CCN4: variants seen among roughly 807,000 people sequenced by gnomAD.
CCN4 encodes CCN family member 4.
In CCN4, 30 loss-of-function variants were observed where a neutral mutation model predicts 36.7. The ratio of observed to expected loss-of-function variants is 0.82; its 90% CI spans 0.61 to 1.11. The LOEUF is 1.11. Ranked by LOEUF, CCN4 falls within the 50% of genes least tolerant of loss-of-function variation. The probability of loss-of-function intolerance (pLI) is 0.00; values close to 1 mark genes in which losing one functional copy is unlikely to be tolerated. For missense variants in CCN4, 505 were observed against 504.9 expected (o/e 1.00, Z 0.00); for synonymous variants, 191 against 195.4 (o/e 0.98, Z 0.19).
At chr8:133,212,297 C>T (rs997974880) in intron 1 of CCN4, among the ~76,000 whole-genome samples, 2 of 152,138 alleles carry the variant, frequency 1.3e-5, no homozygotes, top group African/African-American at 4.8e-5. Flanking sequence ...TGAATACCTG[C>T]CGCTGCACCA....
intron 1 of CCN4, among the ~76,000 whole-genome samples, chr8:133,210,248 G>C (rs937370398): frequency 1.3e-5 from 2 of 152,128 alleles, no homozygotes; most frequent in African/African-American, 4.8e-5. Context: ...GGAGGAGAGG[G>C]CATCTTTATT....
Position 133,225,406 on chromosome 8 carries a change from G to A in CCN4, c.627G>A (p.Val209=), listed in dbSNP as rs141179228. ...DTGAFDAVGE[V]EAWHRNCIAY... is the part of the protein sequence containing the mutation. Reference sequence around the variant, plus strand: ...CACACACAGATGCTGTGGGTGAGGTGGAGGCATGGCACAGGAACTGCATAG... The same window carrying A: ...CACACACAGATGCTGTGGGTGAGGTAGAGGCATGGCACAGGAACTGCATAG... Residue 209 remains valine, a synonymous_variant, in exon 4 of 5, where the codon GTG becomes GTA. Coordinates refer to ENST00000250160, the MANE Select transcript of CCN4 (RefSeq NM_003882.4). The A allele has an allele frequency of 1.0e-4, 163 of 1,603,428 alleles. No individual in the cohort carries two copies. Among genetic ancestry groups the A allele is most frequent in the Non-Finnish European group, 7.8e-5 (92 of 1,172,790 alleles).
intron 1 of CCN4, among the ~76,000 whole-genome samples, chr8:133,207,732 G>C (rs1332371927): frequency 1.3e-5 from 2 of 152,188 alleles, no homozygotes. Context: ...CAGATCTTAG[G>C]TATGTTGATT....
At chr8:133,211,904 G>A (rs1417613712) in intron 1 of CCN4, among the ~76,000 whole-genome samples, 3 of 152,188 alleles carry the variant, frequency 2.0e-5, no homozygotes, top group Non-Finnish European at 4.4e-5. Context: ...GGATTCAGGG[G>A]GGCAACCAGA....
intron 1 of CCN4, among the ~76,000 whole-genome samples, chr8:133,204,307 T>A (rs962769917): frequency 6.6e-6 from 1 of 152,190 alleles, no homozygotes; most frequent in Admixed American, 6.5e-5. Flanking sequence ...TGCGGTATGT[T>A]CTGCAGGTCT....
chr8:133,198,187 A>T (rs927808223), intron 1 of CCN4, among the ~76,000 whole-genome samples: 4 of 152,232 alleles, frequency 2.6e-5, no homozygotes, highest in African/African-American at 9.6e-5. Context: ...TTTAACAAGC[A>T]GCAGGGGAGC....
At chr8:133,223,759 CAT>C (rs1466121540) in intron 3 of CCN4, among the ~76,000 whole-genome samples, 1 of 152,126 alleles carries the variant, frequency 6.6e-6, no homozygotes, top group Non-Finnish European at 1.5e-5. Context: ...TCCTCATGCA[CAT>C]GTGTGTTTGG....
rs59929763 is a variant in CCN4, at chr8:133,224,229, CTTTTTTTTTTTT to C, written c.611-1143_611-1132del. Among the ~76,000 whole-genome samples the C allele has an allele frequency of 1.2e-4, 11 of 88,514 alleles. 1 individual carries two copies. The highest frequency in any genetic ancestry group is 4.9e-4 in the African/African-American group (11 of 22,478). 58.1% of individuals were successfully genotyped at this position (88,514 alleles called of 152,430 possible). On this transcript the variant is annotated intron_variant, in intron 3 of 4. Coordinates refer to ENST00000250160, the MANE Select transcript of CCN4 (RefSeq NM_003882.4). ...GATTTGAATTTGAAGCCCGTAAGTC[CTTTTTTTTTTTT>C]TTTTTTTTTTTTTTTTTGAGACAGA...
At chr8:133,198,145 T>C (rs1259132469) in intron 1 of CCN4, among the ~76,000 whole-genome samples, 10 of 151,988 alleles carry the variant, frequency 6.6e-5, no homozygotes, top group Admixed American at 6.6e-4. Context: ...ATTCCAAGAG[T>C]CCACTCATTC....
At chr8:133,194,327 GC>G (rs1853232534) in intron 1 of CCN4, among the ~76,000 whole-genome samples, 1 of 117,550 alleles carries the variant, frequency 8.5e-6, no homozygotes, top group Admixed American at 8.3e-5. Flanking sequence ...GTATGTGTGT[GC>G]CTGTGTGGTG....
rs1206513230 is a variant in CCN4 at position 133,229,465 on chromosome 8, CCT to C, written c.*1758_*1759del. The C allele has an allele frequency of 1.3e-5, 2 of 152,140 alleles. No homozygotes were observed. Among genetic ancestry groups the C allele is most frequent in the Non-Finnish European group, 2.9e-5 (2 of 68,022 alleles). 9.4% of individuals were successfully genotyped at this position (152,140 alleles called of 1,614,324 possible). A position where few individuals can be genotyped will look rare whatever the true frequency, so the allele number is the denominator to read the frequency against. ...TCCAGGAATCCCCTGTAGCTTATTC[CCT>C]CTTTCCCATCGGAACCAGCTCTCAT... On this transcript the variant is annotated 3_prime_UTR_variant, in exon 5 of 5. Coordinates refer to ENST00000250160, the MANE Select transcript of CCN4 (RefSeq NM_003882.4).
At chr8:133,203,137 A>T (rs981515371) in intron 1 of CCN4, among the ~76,000 whole-genome samples, 1 of 152,162 alleles carries the variant, frequency 6.6e-6, no homozygotes, top group Non-Finnish European at 1.5e-5. Flanking sequence ...CCGACCGTCC[A>T]CACTGCTCAC....
Position 133,227,838 on chromosome 8 carries a change from T to C in CCN4, c.*128T>C. 1 of 1,058,648 alleles carries C rather than the reference T, an allele frequency of 9.4e-7. No individual in the cohort carries two copies. Among genetic ancestry groups the C allele is most frequent in the Non-Finnish European group, 1.3e-6 (1 of 748,282 alleles). The allele number at this position is 1,058,648 out of a possible 1,614,324, so 65.6% of individuals were successfully genotyped here. A position where few individuals can be genotyped will look rare whatever the true frequency, so the allele number is the denominator to read the frequency against. On this transcript the variant is annotated 3_prime_UTR_variant, in exon 5 of 5. Transcript: ENST00000250160. ...TGGACCCTTGGCCTCCATTTCTGTC[T>C]CTAACCATTCAAATGACGCCTGATG...
rs1854970681 is a variant in CCN4 at position 133,231,663 on chromosome 8, T to C, written c.*3953T>C. 6.6e-6 allele frequency: 1 copy of C among 152,210 alleles called. No individual in the cohort carries two copies. The highest frequency in any genetic ancestry group is 2.4e-5 in the African/African-American group (1 of 41,452). The allele number at this position is 152,210 out of a possible 1,614,324, so 9.4% of individuals were successfully genotyped here. A position where few individuals can be genotyped will look rare whatever the true frequency, so the allele number is the denominator to read the frequency against. ...TGAGACAATGATGGAGCATTGAGCA[T>C]GTTCAATAAATGTGCAGATGGTGGA... On this transcript the variant is annotated 3_prime_UTR_variant, in exon 5 of 5. Transcript: ENST00000250160.
At chr8:133,197,818 T>C (rs756399631) in intron 1 of CCN4, among the ~76,000 whole-genome samples, 49 of 152,146 alleles carry the variant, frequency 3.2e-4, no homozygotes, top group Non-Finnish European at 1.2e-4. Context: ...GGGTCCACCC[T>C]GCAGCTCTAG....
At chr8:133,204,370 G>A (rs891986605) in intron 1 of CCN4, among the ~76,000 whole-genome samples, 2 of 152,160 alleles carry the variant, frequency 1.3e-5, no homozygotes, top group African/African-American at 2.4e-5. Flanking sequence ...TAATGAACAT[G>A]GGTGTGGGTT....
intron 2 of CCN4, among the ~76,000 whole-genome samples, chr8:133,216,373 G>C (rs1358517717): frequency 6.6e-6 from 1 of 152,180 alleles, no homozygotes; most frequent in Non-Finnish European, 1.5e-5. Context: ...AACAGAGTAT[G>C]ATGGGGACAA....
intron 1 of CCN4, among the ~76,000 whole-genome samples, chr8:133,201,442 G>A (rs2977527): frequency 0.29 from 43,608 of 152,098 alleles, 6,760 homozygotes; most frequent in East Asian, 0.57. Context: ...TGTGATAATT[G>A]CATGGGGGTT....
chr8:133,231,431 A>G lies in CCN4; in HGVS notation c.*3721A>G, dbSNP rs191950359. ...TGAGGAAACGTCTTAGAATTTTCCA[A>G]TAGAGGAAAAATAACACTTGGGCAA... On this transcript the variant is annotated 3_prime_UTR_variant, in exon 5 of 5. Coordinates refer to ENST00000250160, the MANE Select transcript of CCN4 (RefSeq NM_003882.4). The G allele has an allele frequency of 2.6e-4, 39 of 152,350 alleles. No individual in the cohort carries two copies. Among genetic ancestry groups the G allele is most frequent in the African/African-American group, 8.4e-4 (35 of 41,582 alleles). The allele number at this position is 152,350 out of a possible 1,614,324, so 9.4% of individuals were successfully genotyped here.
Sources: allele counts gnomAD v4.1 joint callset (sites outside exome capture counted in the v4.1 genomes callset), GRCh38; gene constraint gnomAD v4.1.1; transcripts MANE v1.5; gene names NCBI Gene and HGNC (gene_info 2026-07-23, HGNC 2026-07-21).